Variants in C8orf34 observed in about 807,000 individuals in gnomAD.
C8orf34 encodes the protein uncharacterized protein C8orf34.
C8orf34 carries 65 observed loss-of-function variants against 68.3 expected under a neutral mutation model. The observed-to-expected ratio is 0.95, with a 90% CI of 0.78 to 1.17. The LOEUF (loss-of-function observed/expected upper bound fraction) is 1.17, where lower values mean the gene tolerates loss of function less well. Among genes scored for constraint, C8orf34 ranks in the 50% most tolerant of loss-of-function variants. The probability of loss-of-function intolerance (pLI) is 0.00; values close to 1 mark genes in which losing one functional copy is unlikely to be tolerated. For missense variants in C8orf34, 664 were observed against 655.4 expected (o/e 1.01, Z -0.14); for synonymous variants, 244 against 241.2 (o/e 1.01, Z -0.11).
At chr8:68,636,557 C>A (rs1175340024) in intron 7 of C8orf34, among the ~76,000 whole-genome samples, 1 of 152,080 alleles carries the variant, frequency 6.6e-6, no homozygotes, top group South Asian at 2.1e-4. Flanking sequence ...TGCACTCTTA[C>A]CTGGGTGACA....
intron 10 of C8orf34, among the ~76,000 whole-genome samples, chr8:68,755,774 G>C (rs1585834774): frequency 6.6e-6 from 1 of 152,056 alleles, no homozygotes; most frequent in South Asian, 2.1e-4. Context: ...AAAACTAAGA[G>C]TAACTGGCCA....
chr8:68,786,089 T>C (rs886551563), intron 11 of C8orf34, among the ~76,000 whole-genome samples: 1 of 152,172 alleles, frequency 6.6e-6, no homozygotes, highest in South Asian at 2.1e-4. Flanking sequence ...ATATCTCATA[T>C]TGGAGAAAAA....
At chr8:68,814,251 T>C (rs1327187605) in intron 12 of C8orf34, among the ~76,000 whole-genome samples, 6 of 152,164 alleles carry the variant, frequency 3.9e-5, no homozygotes, top group African/African-American at 1.2e-4. Context: ...CCATCCCAGA[T>C]CTACTGAATC....
At chr8:68,501,163 A>T (rs1295686858) in intron 5 of C8orf34, among the ~76,000 whole-genome samples, 1 of 152,168 alleles carries the variant, frequency 6.6e-6, no homozygotes, top group Non-Finnish European at 1.5e-5. Context: ...GGTTTCCATG[A>T]TCAAGGAACT....
intron 7 of C8orf34, among the ~76,000 whole-genome samples, chr8:68,546,118 T>C (rs901964674): frequency 6.6e-6 from 1 of 151,954 alleles, no homozygotes. Context: ...ATATAAAACA[T>C]CACATAGAAT....
At chr8:68,808,321 A>T (rs1824544231) in intron 12 of C8orf34, among the ~76,000 whole-genome samples, 1 of 152,188 alleles carries the variant, frequency 6.6e-6, no homozygotes, top group Admixed American at 6.5e-5. Context: ...GAACCATTAA[A>T]TATTCAGATT....
At chr8:68,720,810 C>T (rs1384754696) in intron 9 of C8orf34, among the ~76,000 whole-genome samples, 7 of 151,822 alleles carry the variant, frequency 4.6e-5, no homozygotes, top group African/African-American at 1.4e-4. Context: ...AAAGCCACTA[C>T]TCACCCACCC....
At chr8:68,516,463 G>T (rs1814518634) in intron 5 of C8orf34, among the ~76,000 whole-genome samples, 1 of 152,164 alleles carries the variant, frequency 6.6e-6, no homozygotes, top group Non-Finnish European at 1.5e-5. Flanking sequence ...GAGAACCAGT[G>T]GTCATAGTAG....
At position 68,532,471 on chromosome 8, in the gene C8orf34, C is replaced by G. The variant is rs529221189; in HGVS notation, c.939-512C>G. Among the ~76,000 whole-genome samples the G allele has an allele frequency of 3.3e-5, 5 of 152,148 alleles. No individual in the cohort carries two copies. The South Asian group carries it at 1.0e-3, about 32-fold the overall frequency. Reference sequence around the variant, plus strand: ...ATACAAAGAGATAGACTCAAAAGCACTATAAATAAAAGCAAGACAATTCAA... The same window carrying G: ...ATACAAAGAGATAGACTCAAAAGCAGTATAAATAAAAGCAAGACAATTCAA... On this transcript the variant is annotated intron_variant, in intron 6 of 13. Coordinates refer to ENST00000518698, the MANE Select transcript of C8orf34 (RefSeq NM_052958.4).
At chr8:68,507,902 G>T (rs919326491) in intron 5 of C8orf34, among the ~76,000 whole-genome samples, 38 of 152,068 alleles carry the variant, frequency 2.5e-4, no homozygotes, top group African/African-American at 8.7e-4. Flanking sequence ...TTTAATTACT[G>T]GTAGTTTAGG....
At chr8:68,372,350 G>A (rs1379969879) in intron 1 of C8orf34, among the ~76,000 whole-genome samples, 1 of 152,152 alleles carries the variant, frequency 6.6e-6, no homozygotes, top group Non-Finnish European at 1.5e-5. Context: ...GGAAACACAG[G>A]AAAGAAACTG....
intron 9 of C8orf34, 52 bp from the exon 10 acceptor site, chr8:68,721,309 T>G: frequency 8.4e-7 from 1 of 1,188,608 alleles, no homozygotes; most frequent in Non-Finnish European, 1.2e-6. Context: ...TATCAGAGAA[T>G]TAATAAGCAA....
chr8:68,357,863 G>A (rs544681897), intron 1 of C8orf34, among the ~76,000 whole-genome samples: 4 of 152,248 alleles, frequency 2.6e-5, no homozygotes, highest in African/African-American at 9.6e-5. Flanking sequence ...ATTTTGAATT[G>A]TGCAACTAAT....
At chr8:68,495,460 T>C (rs1284213487) in intron 5 of C8orf34, among the ~76,000 whole-genome samples, 1 of 152,202 alleles carries the variant, frequency 6.6e-6, no homozygotes, top group Non-Finnish European at 1.5e-5. Context: ...TAGTATTTAC[T>C]AATATCTTGG....
intron 11 of C8orf34, among the ~76,000 whole-genome samples, chr8:68,778,404 C>A (rs1239769474): frequency 2.0e-5 from 3 of 152,088 alleles, no homozygotes; most frequent in Non-Finnish European, 4.4e-5. Context: ...AAAGTTTGAA[C>A]AGCTCTTTGC....
chr8:68,430,353 C>A (rs1334175837), intron 1 of C8orf34, among the ~76,000 whole-genome samples: 1 of 152,006 alleles, frequency 6.6e-6, no homozygotes, highest in Admixed American at 6.6e-5. Flanking sequence ...TCACTTGTAT[C>A]CTTTATAATA....
At chr8:68,422,563 G>T (rs1810026385) in intron 1 of C8orf34, among the ~76,000 whole-genome samples, 1 of 152,200 alleles carries the variant, frequency 6.6e-6, no homozygotes, top group Non-Finnish European at 1.5e-5. Context: ...TGCTTTCACA[G>T]GCTGGTGTTG....
chr8:68,598,586 A>G (rs1049403164), intron 7 of C8orf34, among the ~76,000 whole-genome samples: 1 of 152,170 alleles, frequency 6.6e-6, no homozygotes, highest in Non-Finnish European at 1.5e-5. Context: ...AGATTTCTCT[A>G]TTATGACTAC....
At chr8:68,802,029 A>G (rs577800735) in intron 12 of C8orf34, among the ~76,000 whole-genome samples, 3 of 152,318 alleles carry the variant, frequency 2.0e-5, no homozygotes, top group Non-Finnish European at 4.4e-5. Context: ...ATACAGCTTT[A>G]TAAAGTGGCT....
Sources: gnomAD v4.1 joint callset for allele counts (sites outside exome capture counted in the v4.1 genomes callset) on GRCh38, gnomAD v4.1.1 for gene constraint, MANE v1.5 for transcripts, NCBI Gene and HGNC (gene_info 2026-07-23, HGNC 2026-07-21) for gene names.